Variants in INPP4A observed in about 807,000 individuals in gnomAD.
INPP4A encodes inositol polyphosphate-4-phosphatase type I A.
Under a neutral mutation model 119.8 loss-of-function variants are expected in INPP4A, and 33 were observed. The observed-to-expected ratio is 0.28, with a 90% CI of 0.21 to 0.37. The LOEUF (loss-of-function observed/expected upper bound fraction) is 0.37. Among genes scored for constraint, INPP4A ranks in the 10% least tolerant of loss-of-function variants. The probability of loss-of-function intolerance (pLI) is 1.00; values close to 1 mark genes in which losing one functional copy is unlikely to be tolerated. For missense variants in INPP4A, 956 were observed against 1,289.9 expected, an observed-to-expected ratio of 0.74 and a Z score of 3.97; for synonymous variants, 496 against 500.7, an observed-to-expected ratio of 0.99 and a Z score of 0.12.
rs144697142 is a variant in INPP4A at position 98,492,007 on chromosome 2, A to T, written c.-165-26957A>T. Among the ~76,000 whole-genome samples the T allele has an allele frequency of 1.2e-3, 178 of 152,132 alleles. 1 individual carries two copies. The highest frequency in any genetic ancestry group is 2.7e-3 in the South Asian group (13 of 4,808). On this transcript the variant is annotated intron_variant, in intron 1 of 24. Transcript: ENST00000409851. ...TGGGCTCAAGTGATTCTCATGCCTC[A>T]GCCTCTTGAATAGCTGGGATTATAG...
chr2:98,464,828 C>T (rs1398616339), intron 1 of INPP4A, among the ~76,000 whole-genome samples: 1 of 152,216 alleles, frequency 6.6e-6, no homozygotes. Flanking sequence ...TTATATGTGA[C>T]AAGCCGAGAG....
chr2:98,478,471 C>T (rs1423336858), intron 1 of INPP4A, among the ~76,000 whole-genome samples: 1 of 152,138 alleles, frequency 6.6e-6, no homozygotes, highest in African/African-American at 2.4e-5. Context: ...CTCCACCAGA[C>T]CTGCGCTGCT....
intron 1 of INPP4A, among the ~76,000 whole-genome samples, chr2:98,495,066 GA>G (rs1055307199): frequency 9.2e-5 from 14 of 152,312 alleles, no homozygotes; most frequent in Admixed American, 3.9e-4. Flanking sequence ...CCAAGTCATT[GA>G]AAAAATAAGC....
chr2:98,455,909 C>T (rs1696059326), intron 1 of INPP4A, among the ~76,000 whole-genome samples: 1 of 152,202 alleles, frequency 6.6e-6, no homozygotes, highest in South Asian at 2.1e-4. Context: ...GTCACACAGA[C>T]CACATTCTTC....
At chr2:98,538,636 C>T (rs1442532380) in intron 8 of INPP4A, among the ~76,000 whole-genome samples, 1 of 152,226 alleles carries the variant, frequency 6.6e-6, no homozygotes, top group Non-Finnish European at 1.5e-5. Context: ...TTCGTTTTTA[C>T]ATCAGAACAC....
chr2:98,537,639 G>A (rs867252511), intron 7 of INPP4A, among the ~76,000 whole-genome samples: 1 of 152,260 alleles, frequency 6.6e-6, no homozygotes, highest in South Asian at 2.1e-4. Flanking sequence ...CTTCCCTGTG[G>A]TGCGTGTCCG....
intron 1 of INPP4A, among the ~76,000 whole-genome samples, chr2:98,474,207 T>C (rs1224080048): frequency 6.6e-6 from 1 of 152,236 alleles, no homozygotes; most frequent in Non-Finnish European, 1.5e-5. Flanking sequence ...GTATCTAATA[T>C]CACTTTGACA....
At chr2:98,549,665 T>C (rs879456762) in intron 13 of INPP4A, among the ~76,000 whole-genome samples, 4 of 152,146 alleles carry the variant, frequency 2.6e-5, no homozygotes, top group Non-Finnish European at 4.4e-5. Flanking sequence ...CTGTGACCCA[T>C]GGGGCTCAGG....
At chr2:98,465,739 G>C (rs1674616052) in intron 1 of INPP4A, among the ~76,000 whole-genome samples, 1 of 152,122 alleles carries the variant, frequency 6.6e-6, no homozygotes. Flanking sequence ...ATAATCCCCT[G>C]TCATTTTACT....
intron 1 of INPP4A, among the ~76,000 whole-genome samples, chr2:98,471,385 G>A (rs1558896452): frequency 6.6e-6 from 1 of 152,342 alleles, no homozygotes; most frequent in Middle Eastern, 3.4e-3. Context: ...AAGCTATCAG[G>A]AGAGAATGTG....
intron 24 of INPP4A, among the ~76,000 whole-genome samples, chr2:98,580,111 G>C (rs1699070336): frequency 6.6e-6 from 1 of 152,258 alleles, no homozygotes; most frequent in Non-Finnish European, 1.5e-5. Context: ...GGCTGCTGGG[G>C]TGCCGAGTAC....
intron 1 of INPP4A, among the ~76,000 whole-genome samples, chr2:98,493,071 G>A (rs557018361): frequency 3.1e-4 from 47 of 152,332 alleles, no homozygotes; most frequent in Admixed American, 9.1e-4. Flanking sequence ...GGCTGGTGGC[G>A]TCACATTTCC....
In INPP4A at chr2:98,572,932, TGGTTACA is replaced by T; in HGVS notation, c.2631+7_2631+13del. On this transcript the variant is annotated splice_donor_region_variant and intron_variant, in intron 23 of 24. Transcript: ENST00000409851. ...ATTCTCTGGCAAGCTGCTGAGGTAC[TGGTTACA>T]GAGAGGAAAAGGAGGCTATTGCGGT... The T allele has an allele frequency of 6.4e-7, 1 of 1,561,008 alleles. No homozygotes were observed. The highest frequency in any genetic ancestry group is 8.7e-7 in the Non-Finnish European group (1 of 1,151,624).
chr2:98,512,904 G>A (rs1037166559), intron 1 of INPP4A, among the ~76,000 whole-genome samples: 7 of 152,148 alleles, frequency 4.6e-5, no homozygotes, highest in African/African-American at 1.7e-4. Flanking sequence ...GCAGCATGTG[G>A]CCTTTCCATC....
Position 98,463,780 on chromosome 2 carries a change from C to G in INPP4A, c.-166+18695C>G, listed in dbSNP as rs1574525202. ...TAGGGCAGACCAGAGCCATGAGCGT[C>G]CATGGTCAAGTGAAGGTCTGGTAGG... On this transcript the variant is annotated intron_variant, in intron 1 of 24. Transcript: ENST00000409851. Among the ~76,000 whole-genome samples the G allele has an allele frequency of 4.6e-5, 7 of 152,284 alleles. No homozygotes were observed. In the South Asian group the frequency reaches 1.5e-3, roughly 32 times the overall value.
At chr2:98,576,662 G>A (rs1361677431) in intron 23 of INPP4A, among the ~76,000 whole-genome samples, 1 of 152,202 alleles carries the variant, frequency 6.6e-6, no homozygotes, top group Non-Finnish European at 1.5e-5. Context: ...TGATAAGAGG[G>A]CCCAGGCATG....
At chr2:98,453,520 A>G (rs1470162740) in intron 1 of INPP4A, among the ~76,000 whole-genome samples, 1 of 152,066 alleles carries the variant, frequency 6.6e-6, no homozygotes, top group Non-Finnish European at 1.5e-5. Context: ...TTTGGTAAAG[A>G]TGTGTCAAAC....
At chr2:98,532,858 A>G (rs556949987) in intron 4 of INPP4A, among the ~76,000 whole-genome samples, 4 of 150,346 alleles carry the variant, frequency 2.7e-5, no homozygotes, top group South Asian at 2.1e-4. Flanking sequence ...CTCACTTAAG[A>G]AAAAAAAAAG....
intron 1 of INPP4A, among the ~76,000 whole-genome samples, chr2:98,471,110 A>T (rs879771488): frequency 6.6e-6 from 1 of 152,122 alleles, no homozygotes; most frequent in Non-Finnish European, 1.5e-5. Context: ...ATCACACTAA[A>T]ATAGTTTTAG....
Sources: gnomAD v4.1 joint callset for allele counts (sites outside exome capture counted in the v4.1 genomes callset) on GRCh38, gnomAD v4.1.1 for gene constraint, MANE v1.5 for transcripts, NCBI Gene and HGNC (gene_info 2026-07-23, HGNC 2026-07-21) for gene names.